The following CTNNA2 variants were observed in gnomAD, a reference collection of about 807,000 sequenced individuals.
CTNNA2 encodes catenin alpha-2.
CTNNA2 carries 42 observed loss-of-function variants against 101.0 expected under a neutral mutation model. The observed-to-expected ratio is 0.42, with a 90% CI of 0.32 to 0.54. The LOEUF (loss-of-function observed/expected upper bound fraction) is 0.54, where lower values mean the gene tolerates loss of function less well. CTNNA2 is among the 20% of genes least tolerant of loss of function. CTNNA2 has a pLI of 0.14. For synonymous variants in CTNNA2, 450 were observed against 456.4 expected (o/e 0.99, Z 0.18); for missense variants, 871 against 1,223.1 (o/e 0.71, Z 4.29).
chr2:79,619,921 G>A (rs1338247624), intron 1 of CTNNA2, among the ~76,000 whole-genome samples: 1 of 152,016 alleles, frequency 6.6e-6, no homozygotes, highest in Non-Finnish European at 1.5e-5. Flanking sequence ...TGACTCACTT[G>A]ATTTTCAGAT....
chr2:80,318,823 G>A (rs1247055699), intron 7 of CTNNA2, among the ~76,000 whole-genome samples: 1 of 152,124 alleles, frequency 6.6e-6, no homozygotes, highest in Non-Finnish European at 1.5e-5. Context: ...AGCCCGTAGA[G>A]CAATGCAGAC....
chr2:80,443,901 G>A (rs1321392657), intron 9 of CTNNA2, among the ~76,000 whole-genome samples: 5 of 152,100 alleles, frequency 3.3e-5, no homozygotes, highest in Admixed American at 3.3e-4. Flanking sequence ...AGACCAAATG[G>A]GGCACATCAC....
At chr2:80,129,760 C>T (rs770548566) in intron 7 of CTNNA2, among the ~76,000 whole-genome samples, 5 of 152,260 alleles carry the variant, frequency 3.3e-5, no homozygotes, top group East Asian at 1.9e-4. Context: ...TTGTTCTGAT[C>T]CACATAACTG....
At chr2:79,815,404 G>T (rs922745798) in intron 3 of CTNNA2, among the ~76,000 whole-genome samples, 1 of 152,182 alleles carries the variant, frequency 6.6e-6, no homozygotes, top group East Asian at 1.9e-4. Context: ...ATAGTTTCAC[G>T]ACTTAGATTT....
At chr2:79,767,565 A>G (rs932299236) in intron 3 of CTNNA2, among the ~76,000 whole-genome samples, 1 of 152,094 alleles carries the variant, frequency 6.6e-6, no homozygotes, top group Non-Finnish European at 1.5e-5. Context: ...GGGGTACCCC[A>G]AGCCCAGTAA....
At chr2:80,153,849 A>G (rs943120101) in intron 7 of CTNNA2, among the ~76,000 whole-genome samples, 1 of 152,208 alleles carries the variant, frequency 6.6e-6, no homozygotes, top group Non-Finnish European at 1.5e-5. Flanking sequence ...TAGTATTATT[A>G]CATTCAAATT....
At chr2:80,219,089 GAGAA>G (rs1181064939) in intron 7 of CTNNA2, among the ~76,000 whole-genome samples, 3 of 152,142 alleles carry the variant, frequency 2.0e-5, no homozygotes, top group Non-Finnish European at 4.4e-5. Flanking sequence ...GCTAAAGAAA[GAGAA>G]AGAAAGAAAG....
chr2:79,220,176 G>GTATA (rs751190259), intron 2 of CTNNA2, among the ~76,000 whole-genome samples: 1 of 151,520 alleles, frequency 6.6e-6, no homozygotes, highest in Non-Finnish European at 1.5e-5. Context: ...GTGTGTGTGT[G>GTATA]TATATATATA....
intron 3 of CTNNA2, among the ~76,000 whole-genome samples, chr2:79,792,782 C>T (rs780981845): frequency 5.3e-5 from 8 of 152,166 alleles, no homozygotes; most frequent in Non-Finnish European, 1.0e-4. Flanking sequence ...ATACTCATGA[C>T]ATTGTCACTT....
chr2:79,258,845 CAAAAAAAAA>C (rs869066159), intron 2 of CTNNA2, among the ~76,000 whole-genome samples: 46,587 of 91,658 alleles, frequency 0.51, 9,341 homozygotes, highest in Non-Finnish European at 0.55. Context: ...AATCCTCTAC[CAAAAAAAAA>C]AAAAAAAAAA....
At chr2:80,390,556 G>T (rs1453551303) in intron 7 of CTNNA2, among the ~76,000 whole-genome samples, 1 of 152,134 alleles carries the variant, frequency 6.6e-6, no homozygotes. Context: ...TTACAATCTT[G>T]AACATGACTC....
chr2:80,611,836 A>C (rs973152722), intron 17 of CTNNA2, among the ~76,000 whole-genome samples: 5 of 151,662 alleles, frequency 3.3e-5, no homozygotes, highest in Admixed American at 1.3e-4. Context: ...CAGGAGCTTC[A>C]TTATAACAAT....
At chr2:79,409,512 AC>A (rs1678382564) in intron 4 of CTNNA2, among the ~76,000 whole-genome samples, 1 of 151,734 alleles carries the variant, frequency 6.6e-6, no homozygotes, top group African/African-American at 2.4e-5. Flanking sequence ...TCACCTTTCT[AC>A]ATATGGCTAG....
chr2:80,513,183 A>G (rs993673545), intron 9 of CTNNA2, among the ~76,000 whole-genome samples: 1 of 152,194 alleles, frequency 6.6e-6, no homozygotes, highest in African/African-American at 2.4e-5. Flanking sequence ...CTACACATTA[A>G]TTCATATGCA....
At chr2:79,891,418 G>T (rs901217292) in intron 6 of CTNNA2, among the ~76,000 whole-genome samples, 5 of 152,184 alleles carry the variant, frequency 3.3e-5, no homozygotes, top group African/African-American at 1.2e-4. Context: ...ACACAATCTT[G>T]TGTTTGGCAC....
At position 79,632,395 on chromosome 2, in the gene CTNNA2, GA is replaced by G. The variant is rs555852407; in HGVS notation, c.-5-19149del. ...AAACTCCTAACCAGAAAATTTTAATGAAAAAAAATCCTCTAAAGTAACAATA... is the reference window on the plus strand; with the variant it reads ...AAACTCCTAACCAGAAAATTTTAATGAAAAAAATCCTCTAAAGTAACAATA... On this transcript the variant is annotated intron_variant, in intron 1 of 18. Transcript: ENST00000402739. 2.1e-3 allele frequency among the ~76,000 whole-genome samples: 314 copies of G among 151,918 alleles called. 1 individual carries two copies. The highest frequency in any genetic ancestry group is 3.4e-3 in the Middle Eastern group (1 of 292).
At chr2:80,115,775 A>T (rs1023737022) in intron 7 of CTNNA2, among the ~76,000 whole-genome samples, 6 of 152,182 alleles carry the variant, frequency 3.9e-5, no homozygotes, top group African/African-American at 1.4e-4. Flanking sequence ...AATGGAAAAT[A>T]GTTCTAGATT....
chr2:79,421,634 T>C (rs537957304), intron 4 of CTNNA2, among the ~76,000 whole-genome samples: 1 of 152,250 alleles, frequency 6.6e-6, no homozygotes, highest in East Asian at 1.9e-4. Context: ...TAACTTGATT[T>C]GGTATCGGTT....
intron 7 of CTNNA2, among the ~76,000 whole-genome samples, chr2:80,270,623 T>C (rs993563253): frequency 2.0e-5 from 3 of 152,206 alleles, no homozygotes; most frequent in Non-Finnish European, 4.4e-5. Context: ...TCTCTTCAAA[T>C]CACTGTTTCT....
Sources: allele counts gnomAD v4.1 joint callset (sites outside exome capture counted in the v4.1 genomes callset), GRCh38; gene constraint gnomAD v4.1.1; transcripts MANE v1.5; gene names NCBI Gene and HGNC (gene_info 2026-07-23, HGNC 2026-07-21).